BCAS3: variants seen among roughly 807,000 people sequenced by gnomAD.
BCAS3 encodes BCAS3 microtubule associated cell migration factor.
Under a neutral mutation model 116.1 loss-of-function variants are expected in BCAS3, and 53 were observed. The ratio of observed to expected loss-of-function variants is 0.46; its 90% CI spans 0.37 to 0.57. The LOEUF (loss-of-function observed/expected upper bound fraction) is 0.57. Ranked by LOEUF, BCAS3 falls within the 20% of genes least tolerant of loss-of-function variation. The pLI is 0.00. For synonymous variants in BCAS3, 391 were observed against 408.2 expected, an observed-to-expected ratio of 0.96 and a Z score of 0.51; for missense variants, 917 against 1,165.4, an observed-to-expected ratio of 0.79 and a Z score of 3.10.
At chr17:61,334,389 G>A (rs1420818936) in intron 22 of BCAS3, among the ~76,000 whole-genome samples, 2 of 152,132 alleles carry the variant, frequency 1.3e-5, no homozygotes, top group Admixed American at 6.5e-5. Flanking sequence ...ATAATGGGCC[G>A]GGCGCGGTGG....
chr17:60,763,411 G>A (rs958340441), intron 6 of BCAS3, among the ~76,000 whole-genome samples: 2 of 152,190 alleles, frequency 1.3e-5, no homozygotes, highest in Non-Finnish European at 2.9e-5. Context: ...ATGAAGTGCT[G>A]TCGAATTTTG....
Position 61,366,069 on chromosome 17 carries a change from G to A in BCAS3, c.2426-2258G>A, listed in dbSNP as rs554184253. Among the ~76,000 whole-genome samples the A allele has an allele frequency of 1.8e-4, 28 of 151,756 alleles. No homozygotes were observed. The highest frequency in any genetic ancestry group is 4.1e-4 in the Non-Finnish European group (28 of 68,008). ...GAGACACGAGAATCGCCTGGACCCA[G>A]GAGGCAGAGGTTGCCGTGAGCCAAG... is the stretch of plus-strand genomic sequence containing the variant. On this transcript the variant is annotated intron_variant, in intron 22 of 23. Transcript: ENST00000407086. This position sits in a 1 kb window ranked among gnomAD's most constrained non-coding sequence, Gnocchi z 4.5.
At chr17:61,242,093 A>G (rs1473326076) in intron 22 of BCAS3, among the ~76,000 whole-genome samples, 2 of 152,088 alleles carry the variant, frequency 1.3e-5, no homozygotes, top group African/African-American at 4.8e-5. Context: ...CCTGACCAAC[A>G]TGGAGAAACC....
intron 22 of BCAS3, among the ~76,000 whole-genome samples, chr17:61,121,356 T>C (rs780518399): frequency 6.6e-6 from 1 of 152,212 alleles, no homozygotes; most frequent in East Asian, 1.9e-4. Flanking sequence ...CATTGTATTA[T>C]TTGATATATA....
chr17:60,779,649 G>A (rs1000476464), intron 6 of BCAS3, among the ~76,000 whole-genome samples: 1 of 152,180 alleles, frequency 6.6e-6, no homozygotes, highest in Non-Finnish European at 1.5e-5. Flanking sequence ...GATTACAGGC[G>A]TGAGCCATCG....
rs76220963 is a variant in BCAS3 at position 61,376,964 on chromosome 17, C to T, written c.2593+8470C>T. On this transcript the variant is annotated intron_variant, in intron 23 of 23. Coordinates refer to ENST00000407086, the MANE Select transcript of BCAS3 (RefSeq NM_017679.5). The surrounding 1 kb of genome is among the most constrained non-coding windows in gnomAD (Gnocchi z 4.5). ...ATCTGCCAGTTTCTTCCCCAATAGG[C>T]TGGAGAAAAATAAGAGAGACAAGTT... is the stretch of plus-strand genomic sequence containing the variant. Among the ~76,000 whole-genome samples, 472 of 152,252 alleles carry T rather than the reference C, an allele frequency of 3.1e-3. 6 individuals are homozygous for T. The highest frequency in any genetic ancestry group is 0.018 in the East Asian group (95 of 5,176).
chr17:61,319,120 C>T (rs1050298122), intron 22 of BCAS3, among the ~76,000 whole-genome samples: 1 of 152,208 alleles, frequency 6.6e-6, no homozygotes, highest in Non-Finnish European at 1.5e-5. Flanking sequence ...GGAGAATGCA[C>T]AGTTACTCGC....
At chr17:61,045,940 A>ATT (rs2068115445) in intron 19 of BCAS3, among the ~76,000 whole-genome samples, 6 of 18,276 alleles carry the variant, frequency 3.3e-4, no homozygotes, top group Non-Finnish European at 4.4e-4. Flanking sequence ...ATAAATATAT[A>ATT]TATTATATAT....
At position 60,755,934 on chromosome 17, in the gene BCAS3, G is replaced by A. The variant is rs552759529; in HGVS notation, c.403+8655G>A. 1.5e-4 allele frequency among the ~76,000 whole-genome samples: 23 copies of A among 152,274 alleles called. No homozygotes were observed. In the South Asian group the frequency reaches 4.8e-3, roughly 32 times the overall value. ...CACCTGAAGTATTTATCATTTCTATGTGCTGGTAACATTTCAAGTTCTCTC... is the reference window on the plus strand; with the variant it reads ...CACCTGAAGTATTTATCATTTCTATATGCTGGTAACATTTCAAGTTCTCTC... On this transcript the variant is annotated intron_variant, in intron 6 of 23. Coordinates refer to ENST00000407086, the MANE Select transcript of BCAS3 (RefSeq NM_017679.5).
intron 5 of BCAS3, among the ~76,000 whole-genome samples, chr17:60,729,926 C>T (rs1038569016): frequency 5.3e-5 from 8 of 152,218 alleles, no homozygotes; most frequent in African/African-American, 1.2e-4. Context: ...AACACCTTCT[C>T]GTCTGCCTCC....
intron 7 of BCAS3, among the ~76,000 whole-genome samples, chr17:60,849,656 T>G (rs1223514883): frequency 6.6e-6 from 1 of 152,178 alleles, no homozygotes; most frequent in Non-Finnish European, 1.5e-5. Flanking sequence ...TTAACAAATA[T>G]CAGGCCGGGC....
chr17:60,975,799 C>T (rs961308202), intron 14 of BCAS3, among the ~76,000 whole-genome samples: 10 of 152,018 alleles, frequency 6.6e-5, no homozygotes, highest in Non-Finnish European at 1.5e-5. Context: ...CAATATGTGG[C>T]CTTTTATGTC....
intron 22 of BCAS3, among the ~76,000 whole-genome samples, chr17:61,177,735 A>C (rs542731860): frequency 6.6e-6 from 1 of 152,316 alleles, no homozygotes; most frequent in Admixed American, 6.5e-5. Flanking sequence ...TATATTCTCA[A>C]GGATGGAAGT....
intron 22 of BCAS3, among the ~76,000 whole-genome samples, chr17:61,358,497 T>C (rs1326296942): frequency 8.5e-6 from 1 of 117,290 alleles, no homozygotes; most frequent in African/African-American, 2.9e-5. Context: ...GGGCACGTTT[T>C]TAATTTTTTT....
chr17:61,388,948 C>T lies in BCAS3; in HGVS notation c.2594-3029C>T, dbSNP rs1036976249. ...TGTGTTGAAGAATGGGCCCCCACCT[C>T]CCCTTACCACATCATTCATTCATTC... is the stretch of plus-strand genomic sequence containing the variant. On this transcript the variant is annotated intron_variant, in intron 23 of 23. Transcript: ENST00000407086. This position sits in a 1 kb window ranked among gnomAD's most constrained non-coding sequence, Gnocchi z 6.5. The T allele has an allele frequency of 2.0e-5, 10 of 512,736 alleles. No homozygotes were observed. The highest frequency in any genetic ancestry group is 3.4e-5 in the Non-Finnish European group (10 of 290,548). The allele number at this position is 512,736 out of a possible 1,614,324, so 31.8% of individuals were successfully genotyped here.
At chr17:60,763,801 A>G (rs1279158951) in intron 6 of BCAS3, among the ~76,000 whole-genome samples, 3 of 152,178 alleles carry the variant, frequency 2.0e-5, no homozygotes, top group Non-Finnish European at 4.4e-5. Context: ...CTCTGGTAGA[A>G]TTTGGCTGTG....
rs2059338077 is a variant in BCAS3 at position 61,376,322 on chromosome 17, C to A, written c.2593+7828C>A. Among the ~76,000 whole-genome samples the A allele has an allele frequency of 2.0e-5, 3 of 152,180 alleles. No individual in the cohort carries two copies. ...AGGTTGTGTGAGCTGAAGATGCTGC[C>A]TTCACAGGGCCATCGTGGCTCATAG... is the stretch of plus-strand genomic sequence containing the variant. On this transcript the variant is annotated intron_variant, in intron 23 of 23. Transcript: ENST00000407086. This position sits in a 1 kb window ranked among gnomAD's most constrained non-coding sequence, Gnocchi z 4.5.
At chr17:61,078,007 G>T (rs527246678) in intron 20 of BCAS3, among the ~76,000 whole-genome samples, 1 of 152,260 alleles carries the variant, frequency 6.6e-6, no homozygotes, top group African/African-American at 2.4e-5. Context: ...GCTGACACTA[G>T]TTATATGAGG....
At chr17:61,295,433 C>A (rs1049238047) in intron 22 of BCAS3, among the ~76,000 whole-genome samples, 8 of 152,164 alleles carry the variant, frequency 5.3e-5, no homozygotes, top group African/African-American at 1.9e-4. Flanking sequence ...GCGTAATCCC[C>A]AAGGCAAAGG....
Sources: gnomAD v4.1 joint callset for allele counts (sites outside exome capture counted in the v4.1 genomes callset) on GRCh38, gnomAD v4.1.1 for gene constraint, Gnocchi (gnomAD v3.1) non-coding constraint, MANE v1.5 for transcripts, NCBI Gene and HGNC (gene_info 2026-07-23, HGNC 2026-07-21) for gene names.